The following GPC6 variants were observed in gnomAD, a reference collection of about 807,000 sequenced individuals.
GPC6 encodes glypican-6.
A neutral mutation model predicts 55.2 loss-of-function variants in GPC6; 14 were observed. The observed-to-expected ratio is 0.25, with a 90% CI of 0.17 to 0.40. GPC6 has a LOEUF of 0.40. GPC6 is among the 10% of genes least tolerant of loss of function. The pLI is 1.00. For missense variants in GPC6, 641 were observed against 708.5 expected, an observed-to-expected ratio of 0.90 and a Z score of 1.08; for synonymous variants, 278 against 259.6, an observed-to-expected ratio of 1.07 and a Z score of -0.68.
At chr13:94,285,185 C>T (rs1401583310) in intron 4 of GPC6, among the ~76,000 whole-genome samples, 2 of 152,042 alleles carry the variant, frequency 1.3e-5, no homozygotes, top group Non-Finnish European at 2.9e-5. Context: ...ATTGAGATAA[C>T]GAATAGAAAT....
chr13:93,882,476 C>T (rs1875054444), intron 3 of GPC6, among the ~76,000 whole-genome samples: 1 of 151,962 alleles, frequency 6.6e-6, no homozygotes, highest in African/African-American at 2.4e-5. Context: ...CCTCCCAATC[C>T]CTTCAGATTG....
intron 1 of GPC6, among the ~76,000 whole-genome samples, chr13:93,482,576 G>T (rs1879558777): frequency 6.6e-6 from 1 of 152,018 alleles, no homozygotes; most frequent in Non-Finnish European, 1.5e-5. Flanking sequence ...AAATTTAGAG[G>T]TATATTAGTT....
intron 4 of GPC6, among the ~76,000 whole-genome samples, chr13:94,053,288 T>G (rs1303202710): frequency 1.3e-5 from 2 of 152,132 alleles, no homozygotes; most frequent in Non-Finnish European, 2.9e-5. Flanking sequence ...ACTGGCATTT[T>G]TTCAAAGCTC....
At chr13:93,344,659 A>G (rs12427699) in intron 1 of GPC6, among the ~76,000 whole-genome samples, 11,330 of 152,180 alleles carry the variant, frequency 0.074, 543 homozygotes, top group East Asian at 0.12. Flanking sequence ...ATTTAATTCA[A>G]TAATTGCTTT....
chr13:94,256,752 A>C (rs543554608), intron 4 of GPC6, among the ~76,000 whole-genome samples: 2 of 152,280 alleles, frequency 1.3e-5, no homozygotes, highest in Non-Finnish European at 2.9e-5. Context: ...TGCAATCCTA[A>C]TTCCCATCTC....
chr13:93,795,938 G>A (rs1030709476), intron 2 of GPC6, among the ~76,000 whole-genome samples: 3 of 152,038 alleles, frequency 2.0e-5, no homozygotes, highest in African/African-American at 7.2e-5. Flanking sequence ...GGCTGGGTGT[G>A]GTGGCACACG....
intron 4 of GPC6, among the ~76,000 whole-genome samples, chr13:94,175,984 A>AGC (rs1329131934): frequency 5.5e-5 from 8 of 144,376 alleles, no homozygotes; most frequent in African/African-American, 1.8e-4. Context: ...AGAGAGAGAG[A>AGC]GAGAGAGAGC....
chr13:93,438,054 T>A (rs1190405689), intron 1 of GPC6, among the ~76,000 whole-genome samples: 1 of 152,184 alleles, frequency 6.6e-6, no homozygotes, highest in African/African-American at 2.4e-5. Context: ...AAACCTGGAT[T>A]GACAGTGCAC....
At chr13:93,538,273 T>C (rs2139422589) in intron 1 of GPC6, among the ~76,000 whole-genome samples, 1 of 152,298 alleles carries the variant, frequency 6.6e-6, no homozygotes, top group African/African-American at 2.4e-5. Flanking sequence ...TCTCCATGTG[T>C]GTAGAAGTTT....
intron 6 of GPC6, among the ~76,000 whole-genome samples, chr13:94,343,721 CTTG>C (rs1878149454): frequency 6.6e-6 from 1 of 152,100 alleles, no homozygotes; most frequent in African/African-American, 2.4e-5. Flanking sequence ...TTGTTTAAAA[CTTG>C]TTATTGTTGT....
chr13:93,317,465 A>G (rs1378139955), intron 1 of GPC6, among the ~76,000 whole-genome samples: 1 of 152,104 alleles, frequency 6.6e-6, no homozygotes, highest in Non-Finnish European at 1.5e-5. Context: ...GCCTCTTTGA[A>G]TTCACTGTAT....
intron 3 of GPC6, among the ~76,000 whole-genome samples, chr13:93,857,020 T>C (rs1318845259): frequency 2.6e-5 from 4 of 151,676 alleles, no homozygotes; most frequent in African/African-American, 9.7e-5. Context: ...TATATTAAAA[T>C]GGCAATACAA....
intron 2 of GPC6, among the ~76,000 whole-genome samples, chr13:93,715,168 C>T (rs1883207470): frequency 6.6e-6 from 1 of 151,634 alleles, no homozygotes; most frequent in Non-Finnish European, 1.5e-5. Context: ...CTCATATGTT[C>T]ATCACAGCGC....
At chr13:93,571,550 G>A (rs972976963) in intron 2 of GPC6, among the ~76,000 whole-genome samples, 3 of 152,138 alleles carry the variant, frequency 2.0e-5, no homozygotes, top group Non-Finnish European at 4.4e-5. Flanking sequence ...TGATATTGTA[G>A]TTGTAACAGA....
At chr13:93,982,226 A>G (rs1159433984) in intron 3 of GPC6, among the ~76,000 whole-genome samples, 1 of 152,196 alleles carries the variant, frequency 6.6e-6, no homozygotes, top group Non-Finnish European at 1.5e-5. Flanking sequence ...CATTTTGTGG[A>G]TGATAAAACA....
chr13:93,677,738 A>G (rs1881691355), intron 2 of GPC6, among the ~76,000 whole-genome samples: 1 of 152,146 alleles, frequency 6.6e-6, no homozygotes, highest in Non-Finnish European at 1.5e-5. Context: ...AACAGAGATA[A>G]GGGTAAAATA....
intron 4 of GPC6, among the ~76,000 whole-genome samples, chr13:94,135,990 G>A (rs1887171605): frequency 6.6e-6 from 1 of 152,108 alleles, no homozygotes; most frequent in African/African-American, 2.4e-5. Flanking sequence ...GATCTTCCTA[G>A]TTTTTTGACT....
rs572640728 is a variant in GPC6, at chr13:94,136,738, T to C, written c.877+108844T>C. 2.0e-5 allele frequency among the ~76,000 whole-genome samples: 3 copies of C among 152,308 alleles called. No individual in the cohort carries two copies. In the South Asian group the frequency reaches 6.2e-4, roughly 32 times the overall value. On this transcript the variant is annotated intron_variant, in intron 4 of 8. Transcript: ENST00000377047. The stretch of plus-strand genomic sequence containing the variant: ...AAAAGAAAAAGAAGAAGTTTGTTCT[T>C]TTTAATTCTAAATGCAGTGTAGAGT...
chr13:93,640,496 G>A (rs1462494443), intron 2 of GPC6, among the ~76,000 whole-genome samples: 1 of 151,920 alleles, frequency 6.6e-6, no homozygotes, highest in East Asian at 1.9e-4. Flanking sequence ...TGTTTCCTAA[G>A]TGCATCCTCT....
Sources: allele counts gnomAD v4.1 joint callset (sites outside exome capture counted in the v4.1 genomes callset), GRCh38; gene constraint gnomAD v4.1.1; transcripts MANE v1.5; gene names NCBI Gene and HGNC (gene_info 2026-07-23, HGNC 2026-07-21).